GABRP: variants seen among roughly 807,000 people sequenced by gnomAD.
The protein encoded by GABRP is gamma-aminobutyric acid type A receptor subunit pi.
A neutral mutation model predicts 47.8 loss-of-function variants in GABRP; 52 were observed. That is an observed-to-expected ratio of 1.09 (90% confidence interval 0.87 to 1.37). The LOEUF (loss-of-function observed/expected upper bound fraction) is 1.37. Ranked by LOEUF, GABRP falls within the 40% of genes most tolerant of loss-of-function variation. GABRP has a pLI of 0.00. For missense variants in GABRP, 525 were observed against 542.8 expected (o/e 0.97, Z 0.33); for synonymous variants, 221 against 205.8 (o/e 1.07, Z -0.63).
chr5:170,809,791 C>T (rs201918618), intron 9 of GABRP, 36 bp downstream of exon 9: 35 of 1,553,122 alleles, frequency 2.3e-5, no homozygotes, highest in Non-Finnish European at 2.9e-5. Context: ...TGATCCATCA[C>T]TGGTGCCGTG....
At chr5:170,783,009 C>G (rs879329015), upstream of GABRP, 5 of 152,262 alleles carry the variant, frequency 3.3e-5, no homozygotes, top group Non-Finnish European at 7.3e-5. Context: ...TTTGGTTGGC[C>G]AGGGAGGAAG....
intron 3 of GABRP, among the ~76,000 whole-genome samples, chr5:170,790,352 C>T (rs1765232984): frequency 6.6e-6 from 1 of 152,116 alleles, no homozygotes; most frequent in African/African-American, 2.4e-5. Flanking sequence ...ACAGGGAAGA[C>T]TGAATGAAGT....
At chr5:170,786,823 C>T (rs937126048) in intron 1 of GABRP, among the ~76,000 whole-genome samples, 13 of 152,094 alleles carry the variant, frequency 8.5e-5, no homozygotes, top group East Asian at 5.8e-4. Context: ...AAAAGTAAGC[C>T]GCAAAAAGCA....
At chr5:170,809,457 T>C in intron 8 of GABRP, 111 bp from the exon 9 acceptor site, 1 of 995,210 alleles carries the variant, frequency 1.0e-6, no homozygotes, top group Non-Finnish European at 1.6e-6. Context: ...ATGCATTCCA[T>C]TTCTGGGTCT....
chr5:170,784,712 T>C (rs1361784990), intron 1 of GABRP, among the ~76,000 whole-genome samples: 1 of 152,178 alleles, frequency 6.6e-6, no homozygotes, highest in Non-Finnish European at 1.5e-5. Context: ...CAGAGGAGAA[T>C]GAAAACTAAT....
At chr5:170,808,902 C>T in intron 8 of GABRP, 150 bp downstream of exon 8, 5 of 668,274 alleles carry the variant, frequency 7.5e-6, no homozygotes, top group South Asian at 7.2e-5. Flanking sequence ...AAGAGAGAGA[C>T]AGAAAGAGAC....
intron 4 of GABRP, among the ~76,000 whole-genome samples, chr5:170,794,857 C>T (rs11959508): frequency 0.053 from 8,064 of 151,616 alleles, 715 homozygotes; most frequent in African/African-American, 0.19. Flanking sequence ...TTGGTGGGGC[C>T]TTAGTGATCA....
chr5:170,790,460 T>C (rs1765235278), intron 3 of GABRP, among the ~76,000 whole-genome samples: 1 of 152,182 alleles, frequency 6.6e-6, no homozygotes, highest in South Asian at 2.1e-4. Flanking sequence ...TAAAACCCTC[T>C]GGTCTGATCT....
chr5:170,805,732 T>A lies in GABRP; in HGVS notation c.558T>A (p.Asn186Lys). The change falls in exon 7 of 10, where the codon AAT becomes AAA. Residue 186 changes from asparagine to lysine, a missense_variant. By Grantham distance (94) the Asn-to-Lys change is moderately conservative. Coordinates refer to ENST00000265294, the MANE Select transcript of GABRP (RefSeq NM_014211.3). ...ATTTGCCAGGGGGCTATGATGGAAA[T>A]GATGTGGAGTTCACCTGGCTGAGAG... is the stretch of plus-strand genomic sequence containing the variant. ...LQLESWGYDG[N>K]DVEFTWLRGN... 1 of 1,614,172 alleles carries A rather than the reference T, an allele frequency of 6.2e-7. No homozygotes were observed. Among genetic ancestry groups the A allele is most frequent in the Non-Finnish European group, 8.5e-7 (1 of 1,180,026 alleles).
intron 6 of GABRP, among the ~76,000 whole-genome samples, chr5:170,801,882 G>A (rs560714365): frequency 1.2e-4 from 19 of 152,084 alleles, no homozygotes; most frequent in Middle Eastern, 6.8e-3. Context: ...TTTTCCTAGG[G>A]AAAGTGTCAC....
At chr5:170,795,776 T>C (rs1303165329) in intron 5 of GABRP, among the ~76,000 whole-genome samples, 3 of 152,110 alleles carry the variant, frequency 2.0e-5, no homozygotes, top group Admixed American at 2.0e-4. Context: ...TTCTGAGCTA[T>C]GTCTTAAAGG....
rs1252647137 is a variant in GABRP, at chr5:170,795,293, C to G, written c.326C>G (p.Ala109Gly). 2.5e-6 allele frequency: 4 copies of G among 1,613,888 alleles called. No homozygotes were observed. Among genetic ancestry groups the G allele is most frequent in the Non-Finnish European group, 3.4e-6 (4 of 1,179,976 alleles). Residue 109 changes from alanine (A) to glycine (G), a missense_variant, in exon 5 of 10, where the codon GCC becomes GGC. Ala to Gly is a moderately conservative substitution (Grantham distance 60). Transcript: ENST00000265294. ...GGCAACAAGAGCTTCACTCTGGATG[C>G]CCGCCTCGTGGAGTTCCTCTGGGTG... is the stretch of plus-strand genomic sequence containing the variant. ...FEGNKSFTLD[A>G]RLVEFLWVPD...
chr5:170,792,471 A>C (rs944250023), intron 3 of GABRP, among the ~76,000 whole-genome samples: 3 of 151,948 alleles, frequency 2.0e-5, no homozygotes, highest in African/African-American at 4.8e-5. Flanking sequence ...AGAAAGACAG[A>C]AAAAGAAGAG....
chr5:170,795,498 G>A (rs1046147473), intron 5 of GABRP, 73 bp downstream of exon 5: 1 of 1,250,046 alleles, frequency 8.0e-7, no homozygotes, highest in Non-Finnish European at 1.2e-6. Context: ...GTCTTGGGTA[G>A]TTGTGACCAG....
intron 5 of GABRP, 123 bp from the exon 6 acceptor site, chr5:170,797,343 C>A: frequency 1.5e-6 from 1 of 684,752 alleles, no homozygotes; most frequent in Non-Finnish European, 2.7e-6. Context: ...TACATGCAGA[C>A]TCCAAGCTAC....
At chr5:170,794,769 T>G (rs1472839965) in intron 4 of GABRP, among the ~76,000 whole-genome samples, 1 of 151,886 alleles carries the variant, frequency 6.6e-6, no homozygotes, top group Non-Finnish European at 1.5e-5. Flanking sequence ...TAAAGGCAGT[T>G]TGCCAAGAGG....
upstream of GABRP, among the ~76,000 whole-genome samples, chr5:170,783,238 A>G (rs7722394): frequency 0.63 from 96,331 of 152,044 alleles, 31,787 homozygotes; most frequent in African/African-American, 0.79. Context: ...GTCCTGGGAT[A>G]TGAAAGTCTC....
At chr5:170,810,809 T>C (rs922148851) in intron 9 of GABRP, among the ~76,000 whole-genome samples, 2 of 152,042 alleles carry the variant, frequency 1.3e-5, no homozygotes, top group African/African-American at 4.8e-5. Context: ...TGTTTCATAG[T>C]CATGTCATCC....
chr5:170,792,801 G>A (rs138990973), intron 3 of GABRP, among the ~76,000 whole-genome samples: 16 of 152,280 alleles, frequency 1.1e-4, no homozygotes, highest in South Asian at 2.1e-4. Flanking sequence ...TTGCCTTGCC[G>A]TATTCCTACC....
Sources: allele counts gnomAD v4.1 joint callset (sites outside exome capture counted in the v4.1 genomes callset), GRCh38; gene constraint gnomAD v4.1.1; transcripts MANE v1.5; gene names NCBI Gene and HGNC (gene_info 2026-07-23, HGNC 2026-07-21).